OTOGL: variants seen among roughly 807,000 people sequenced by gnomAD.
The protein encoded by OTOGL is otogelin like.
Under a neutral mutation model 318.5 loss-of-function variants are expected in OTOGL, and 285 were observed. That is an observed-to-expected ratio of 0.89 (90% CI 0.81 to 0.99). OTOGL has a LOEUF of 0.99. Ranked by LOEUF, OTOGL falls within the 50% of genes least tolerant of loss-of-function variation. OTOGL has a pLI of 0.00. For missense variants in OTOGL, 2,899 were observed against 2,845.6 expected (o/e 1.02, Z -0.43); for synonymous variants, 987 against 936.5 (o/e 1.05, Z -0.99).
chr12:80,270,067 T>G, intron 22 of OTOGL, 35 bp from the exon 23 acceptor site: 1 of 1,490,886 alleles, frequency 6.7e-7, no homozygotes, highest in Non-Finnish European at 9.2e-7. Flanking sequence ...AACAACAGAT[T>G]TGGTTCCATA....
At chr12:80,145,936 T>C (rs1872322404) in intron 1 of OTOGL, among the ~76,000 whole-genome samples, 1 of 133,186 alleles carries the variant, frequency 7.5e-6, no homozygotes, top group South Asian at 2.4e-4. Flanking sequence ...TGAAATTGCT[T>C]ATCAGCTGAA....
chr12:80,144,017 A>T (rs759075371), intron 1 of OTOGL, among the ~76,000 whole-genome samples: 1 of 151,342 alleles, frequency 6.6e-6, no homozygotes, highest in Non-Finnish European at 1.5e-5. Flanking sequence ...ATTCAAAGGC[A>T]TTGAAAATGC....
rs752029155 is a variant in OTOGL, at chr12:80,239,332, G to C, written c.946-1G>C. 1 of 1,596,258 alleles carries C rather than the reference G, an allele frequency of 6.3e-7. No individual in the cohort carries two copies. Among genetic ancestry groups the C allele is most frequent in the Admixed American group, 1.7e-5 (1 of 57,728 alleles). The stretch of plus-strand genomic sequence containing the variant: ...AGTGACTGCCATCTTTTTTTGCACA[G>C]GCAATCTTCTTCAAGTGTCAGATAC... On this transcript the variant is annotated splice_acceptor_variant, in intron 10 of 58. Coordinates refer to ENST00000547103, the MANE Select transcript of OTOGL (RefSeq NM_001378609.3). LOFTEE classifies it high-confidence loss of function.
At chr12:80,156,055 G>T (rs190309920) in intron 1 of OTOGL, among the ~76,000 whole-genome samples, 8 of 152,248 alleles carry the variant, frequency 5.3e-5, no homozygotes. Context: ...TGGATTGAAG[G>T]ATGCAAAATA....
Position 80,356,829 on chromosome 12 carries a change from C to A in OTOGL, c.5934C>A (p.Pro1978=). 6.3e-7 allele frequency: 1 copy of A among 1,591,634 alleles called. No individual in the cohort carries two copies. The highest frequency in any genetic ancestry group is 1.4e-5 in the African/African-American group (1 of 73,834). Residue 1978 remains proline, a synonymous_variant, in exon 49 of 59, where the codon CCC becomes CCA. Transcript: ENST00000547103. ...CAGAATGTGACCCATTGAAATGCCC[C>A]AGTATTTCAACACCAGAATGCAGAG... ...YKCECDPLKC[P]SISTPECRED... is the part of the protein sequence containing the mutation.
chr12:80,278,318 T>C (rs1213903586), intron 25 of OTOGL, 43 bp downstream of exon 25: 17 of 1,379,720 alleles, frequency 1.2e-5, no homozygotes, highest in Non-Finnish European at 1.5e-5. Context: ...CCTAAGTAAT[T>C]GTGTAAATTT....
chr12:80,128,185 T>A (rs1349279879), intron 1 of OTOGL, among the ~76,000 whole-genome samples: 1 of 152,206 alleles, frequency 6.6e-6, no homozygotes, highest in East Asian at 1.9e-4. Context: ...CTACCTTTTG[T>A]CTTTGATGAT....
intron 1 of OTOGL, among the ~76,000 whole-genome samples, chr12:80,112,234 T>G (rs540335814): frequency 6.6e-6 from 1 of 152,296 alleles, no homozygotes; most frequent in African/African-American, 2.4e-5. Flanking sequence ...TGAATACCTT[T>G]TATTTTCTGT....
rs1885001710 is a variant in OTOGL, at chr12:80,290,919, C to T, written c.2929-5908C>T. On this transcript the variant is annotated intron_variant, in intron 26 of 58. Coordinates refer to ENST00000547103, the MANE Select transcript of OTOGL (RefSeq NM_001378609.3). The stretch of plus-strand genomic sequence containing the variant: ...TAAGGTTTTGATGGTGGGGACAATG[C>T]CTTATATTTCTTGTTATTCTTTCTA... 3.3e-5 allele frequency among the ~76,000 whole-genome samples: 5 copies of T among 152,256 alleles called. No individual in the cohort carries two copies. In the South Asian group the frequency reaches 1.0e-3, roughly 32 times the overall value.
rs367661697 is a variant in OTOGL at position 80,115,042 on chromosome 12, T to A, written c.-20+15437T>A. ...AGGTTCTTAGCTTCCTTGCATTGGG[T>A]TAGAACATGCAAGCTCAGAGAAGTT... On this transcript the variant is annotated intron_variant, in intron 1 of 58. Transcript: ENST00000547103. Among the ~76,000 whole-genome samples, 45 of 152,134 alleles carry A rather than the reference T, an allele frequency of 3.0e-4. 1 individual carries two copies. The highest frequency in any genetic ancestry group is 9.9e-4 in the African/African-American group (41 of 41,514).
intron 4 of OTOGL, among the ~76,000 whole-genome samples, chr12:80,216,902 C>T (rs964195860): frequency 3.3e-5 from 5 of 151,822 alleles, no homozygotes; most frequent in East Asian, 1.9e-4. Context: ...ACATATGTAA[C>T]AAACCTGCAC....
At position 80,255,155 on chromosome 12, in the gene OTOGL, G is replaced by T; in HGVS notation, c.1557G>T (p.Thr519=). Residue 519 remains threonine, a synonymous_variant, in exon 16 of 59, where the codon ACG becomes ACT. Transcript: ENST00000547103. ...LVKGTGKDKF[T]ITLQKAPCEQ... is the part of the protein sequence containing the mutation. ...AAGGAACTGGAAAAGATAAATTCAC[G>T]ATTACTTTACAGAAAGCTCCCTGTG... 1 of 1,520,704 alleles carries T rather than the reference G, an allele frequency of 6.6e-7. No individual in the cohort carries two copies. Among genetic ancestry groups the T allele is most frequent in the Non-Finnish European group, 8.8e-7 (1 of 1,138,598 alleles). The allele number at this position is 1,520,704 out of a possible 1,614,324, so 94.2% of individuals were successfully genotyped here. A position where few individuals can be genotyped will look rare whatever the true frequency, so the allele number is the denominator to read the frequency against.
At chr12:80,287,989 G>T (rs150031956) in intron 26 of OTOGL, among the ~76,000 whole-genome samples, 1 of 152,076 alleles carries the variant, frequency 6.6e-6, no homozygotes, top group Non-Finnish European at 1.5e-5. Flanking sequence ...TTTCTTCATC[G>T]TGTCATTGGT....
At chr12:80,314,855 T>A (rs538580590) in intron 32 of OTOGL, among the ~76,000 whole-genome samples, 103 of 152,318 alleles carry the variant, frequency 6.8e-4, no homozygotes, top group African/African-American at 2.2e-3. Context: ...TGCTTTGTGG[T>A]AAGAACATTT....
At chr12:80,198,709 C>T (rs1304892524) in intron 1 of OTOGL, among the ~76,000 whole-genome samples, 1 of 152,226 alleles carries the variant, frequency 6.6e-6, no homozygotes, top group Non-Finnish European at 1.5e-5. Flanking sequence ...CAGTAAATGA[C>T]ATCACCATCA....
chr12:80,146,653 C>G (rs1288204585), intron 1 of OTOGL, among the ~76,000 whole-genome samples: 1 of 151,816 alleles, frequency 6.6e-6, no homozygotes. Flanking sequence ...CTCCTTGTAC[C>G]TCTGCTAGAA....
intron 1 of OTOGL, among the ~76,000 whole-genome samples, chr12:80,168,793 T>C (rs532061614): frequency 3.9e-4 from 60 of 152,296 alleles, no homozygotes; most frequent in African/African-American, 1.3e-3. Context: ...GACAGAGAAA[T>C]AGGAGTTGAG....
chr12:80,316,057 A>T (rs986974218), intron 32 of OTOGL, among the ~76,000 whole-genome samples: 1 of 152,206 alleles, frequency 6.6e-6, no homozygotes, highest in Non-Finnish European at 1.5e-5. Flanking sequence ...GCATTTTGCT[A>T]TTATCAACAC....
At chr12:80,280,036 TTTCTCTAATAATTAATGATG>T (rs1884107374) in intron 26 of OTOGL, among the ~76,000 whole-genome samples, 1 of 151,962 alleles carries the variant, frequency 6.6e-6, no homozygotes, top group African/African-American at 2.4e-5. Flanking sequence ...TTGATTTGCA[TTTCTCTAATAATTAATGATG>T]TTGAGCATTT....
Sources: gnomAD v4.1 joint callset for allele counts (sites outside exome capture counted in the v4.1 genomes callset) on GRCh38, gnomAD v4.1.1 for gene constraint, MANE v1.5 for transcripts, NCBI Gene and HGNC (gene_info 2026-07-23, HGNC 2026-07-21) for gene names.